Variants in ITPR2 observed in about 807,000 individuals in gnomAD.
ITPR2 encodes the protein inositol 1,4,5-trisphosphate-gated calcium channel ITPR2.
In ITPR2, 207 loss-of-function variants were observed where a neutral mutation model predicts 317.1. The ratio of observed to expected loss-of-function variants is 0.65; its 90% CI spans 0.58 to 0.73. The LOEUF is 0.73. Among genes scored for constraint, ITPR2 ranks in the 30% least tolerant of loss-of-function variants. The pLI is 0.00. For missense variants in ITPR2, 2,613 were observed against 3,284.0 expected, an observed-to-expected ratio of 0.80 and a Z score of 4.99; for synonymous variants, 1,156 against 1,149.1, an observed-to-expected ratio of 1.01 and a Z score of -0.12.
At chr12:26,536,744 G>A (rs188661803) in intron 37 of ITPR2, among the ~76,000 whole-genome samples, 4 of 152,328 alleles carry the variant, frequency 2.6e-5, no homozygotes, top group South Asian at 2.1e-4. Flanking sequence ...CTACACAGCC[G>A]AGATTGACTG....
At chr12:26,818,867 T>A (rs1271293619) in intron 1 of ITPR2, among the ~76,000 whole-genome samples, 2 of 152,224 alleles carry the variant, frequency 1.3e-5, no homozygotes, top group Admixed American at 1.3e-4. Flanking sequence ...AACTGTTCCT[T>A]AAATCATTAA....
intron 26 of ITPR2, among the ~76,000 whole-genome samples, chr12:26,619,439 G>A (rs1215188741): frequency 6.6e-6 from 1 of 152,138 alleles, no homozygotes; most frequent in African/African-American, 2.4e-5. Flanking sequence ...TAGCTTGGGC[G>A]ACATCTTTTA....
chr12:26,746,381 C>T (rs1025503329), intron 2 of ITPR2, among the ~76,000 whole-genome samples: 21 of 152,286 alleles, frequency 1.4e-4, no homozygotes, highest in Admixed American at 1.2e-3. Flanking sequence ...GTGTTTGCTG[C>T]GGTACTCAGG....
chr12:26,450,845 G>T (rs953632181), intron 45 of ITPR2, among the ~76,000 whole-genome samples: 2 of 152,126 alleles, frequency 1.3e-5, no homozygotes, highest in African/African-American at 2.4e-5. Flanking sequence ...GAGTGGAGGG[G>T]GAGGGGAAAG....
chr12:26,653,932 C>T (rs750684023), intron 21 of ITPR2, 44 bp downstream of exon 21: 1 of 1,534,546 alleles, frequency 6.5e-7, no homozygotes, highest in Admixed American at 1.8e-5. Context: ...TATCTTACTT[C>T]CAAGTAATAA....
At chr12:26,594,590 G>A (rs567892335) in intron 32 of ITPR2, among the ~76,000 whole-genome samples, 1 of 152,256 alleles carries the variant, frequency 6.6e-6, no homozygotes, top group East Asian at 1.9e-4. Flanking sequence ...CAAAGGGGCT[G>A]AGTCCAGCCA....
At chr12:26,555,222 G>A (rs879701783) in intron 36 of ITPR2, among the ~76,000 whole-genome samples, 9 of 152,152 alleles carry the variant, frequency 5.9e-5, no homozygotes, top group Admixed American at 2.0e-4. Context: ...TGAAAGAAAG[G>A]AACACACTTC....
rs542112158 is a variant in ITPR2 at position 26,363,675 on chromosome 12, G to A, written c.7858-23347C>T. ...AGGTGGGGCTTAAAACCTAGATGAC[G>A]GATTGATAGGTGCAGCAAACCACCA... On this transcript the variant is annotated intron_variant, in intron 55 of 56. Coordinates refer to ENST00000381340, the MANE Select transcript of ITPR2 (RefSeq NM_002223.4). 5.1e-4 allele frequency among the ~76,000 whole-genome samples: 78 copies of A among 152,116 alleles called. 1 individual carries two copies. The highest frequency in any genetic ancestry group is 2.0e-3 in the Admixed American group (30 of 15,284).
chr12:26,364,360 T>C (rs1420535293), intron 55 of ITPR2, among the ~76,000 whole-genome samples: 1 of 152,222 alleles, frequency 6.6e-6, no homozygotes, highest in African/African-American at 2.4e-5. Flanking sequence ...TTCTGGGATA[T>C]GGGCCTAAAA....
chr12:26,522,889 G>A (rs1258712389), intron 37 of ITPR2, among the ~76,000 whole-genome samples: 1 of 152,190 alleles, frequency 6.6e-6, no homozygotes, highest in Non-Finnish European at 1.5e-5. Flanking sequence ...GTTCAAGACT[G>A]TTTTACCTAA....
intron 37 of ITPR2, among the ~76,000 whole-genome samples, chr12:26,520,962 A>G (rs908545059): frequency 1.3e-5 from 2 of 152,212 alleles, no homozygotes; most frequent in Non-Finnish European, 2.9e-5. Flanking sequence ...GCTCCTTTTT[A>G]GAGCATCTGG....
chr12:26,490,398 A>G (rs541769391), intron 39 of ITPR2, among the ~76,000 whole-genome samples: 94 of 152,352 alleles, frequency 6.2e-4, no homozygotes, highest in African/African-American at 2.2e-3. Flanking sequence ...CTGCACATTG[A>G]CTGAACCCCA....
intron 45 of ITPR2, among the ~76,000 whole-genome samples, chr12:26,458,568 C>A (rs1317976): frequency 0.035 from 5,269 of 152,156 alleles, 242 homozygotes; most frequent in African/African-American, 0.11. Flanking sequence ...ATGTTAAACA[C>A]GAGGGCGTCA....
chr12:26,815,688 G>C (rs559443337), intron 1 of ITPR2, among the ~76,000 whole-genome samples: 1 of 152,128 alleles, frequency 6.6e-6, no homozygotes, highest in East Asian at 1.9e-4. Context: ...ACCTGCAATT[G>C]AGTAGCGTGC....
chr12:26,578,887 G>C, intron 33 of ITPR2, 54 bp from the exon 34 acceptor site: 1 of 1,536,998 alleles, frequency 6.5e-7, no homozygotes, highest in Non-Finnish European at 8.9e-7. Flanking sequence ...TAACAGCCCT[G>C]ATGTAGCATC....
chr12:26,353,027 G>A (rs535073143), intron 55 of ITPR2, among the ~76,000 whole-genome samples: 2 of 152,208 alleles, frequency 1.3e-5, no homozygotes, highest in Admixed American at 6.5e-5. Flanking sequence ...CCTTACTAGC[G>A]GAGATGGAGG....
intron 2 of ITPR2, among the ~76,000 whole-genome samples, chr12:26,786,449 T>TAAAAAAAAAAAA (rs59014121): frequency 6.1e-4 from 73 of 119,200 alleles, no homozygotes; most frequent in African/African-American, 2.5e-3. Context: ...GAATGATCAA[T>TAAAAAAAAAAAA]AAAAAAAAAA....
chr12:26,541,293 G>A (rs1027518999), intron 37 of ITPR2, among the ~76,000 whole-genome samples: 1 of 152,002 alleles, frequency 6.6e-6, no homozygotes, highest in African/African-American at 2.4e-5. Context: ...CTCCAGCATG[G>A]GTGACAAGAG....
At chr12:26,604,609 A>G (rs962081345) in intron 26 of ITPR2, among the ~76,000 whole-genome samples, 14 of 152,206 alleles carry the variant, frequency 9.2e-5, no homozygotes, top group Admixed American at 4.6e-4. Flanking sequence ...TGGAAATGCA[A>G]AAAGTAAAAG....
Sources: gnomAD v4.1 joint callset for allele counts (sites outside exome capture counted in the v4.1 genomes callset) on GRCh38, gnomAD v4.1.1 for gene constraint, MANE v1.5 for transcripts, NCBI Gene and HGNC (gene_info 2026-07-23, HGNC 2026-07-21) for gene names.